The following PTPRK variants were observed in gnomAD, a reference collection of about 807,000 sequenced individuals.
PTPRK encodes the protein receptor-type tyrosine-protein phosphatase kappa.
A neutral mutation model predicts 178.0 loss-of-function variants in PTPRK; 75 were observed. That is an observed-to-expected ratio of 0.42 (90% CI 0.35 to 0.51). The LOEUF is 0.51. Among genes scored for constraint, PTPRK ranks in the 20% least tolerant of loss-of-function variants. PTPRK has a pLI of 0.02. For synonymous variants in PTPRK, 637 were observed against 620.6 expected (o/e 1.03, Z -0.39); for missense variants, 1,441 against 1,797.8 (o/e 0.80, Z 3.59).
chr6:128,036,049 G>T (rs933132233), intron 13 of PTPRK, among the ~76,000 whole-genome samples: 3 of 152,154 alleles, frequency 2.0e-5, no homozygotes, highest in Non-Finnish European at 4.4e-5. Flanking sequence ...GTTGGTAAAT[G>T]GAATGGAATG....
At chr6:128,074,936 G>C (rs1033049233) in intron 11 of PTPRK, among the ~76,000 whole-genome samples, 2 of 152,008 alleles carry the variant, frequency 1.3e-5, no homozygotes, top group Non-Finnish European at 2.9e-5. Flanking sequence ...TTTTCATAGA[G>C]AGAGCATTAC....
At chr6:128,463,544 T>C (rs556269629) in intron 1 of PTPRK, among the ~76,000 whole-genome samples, 21 of 152,224 alleles carry the variant, frequency 1.4e-4, no homozygotes, top group Middle Eastern at 3.4e-3. Context: ...CCATCAGCAT[T>C]TAGCTCTATA....
At chr6:128,315,155 A>G (rs1327405355) in intron 3 of PTPRK, among the ~76,000 whole-genome samples, 1 of 152,168 alleles carries the variant, frequency 6.6e-6, no homozygotes, top group African/African-American at 2.4e-5. Flanking sequence ...TTTAATAAAT[A>G]TAAGCCCAGA....
chr6:128,497,385 C>T (rs997199857), intron 1 of PTPRK, among the ~76,000 whole-genome samples: 2 of 152,064 alleles, frequency 1.3e-5, no homozygotes, highest in South Asian at 2.1e-4. Flanking sequence ...TGAGGCAGGG[C>T]GATCCCTTGA....
chr6:128,472,298 G>A (rs578057018), intron 1 of PTPRK, among the ~76,000 whole-genome samples: 1 of 152,094 alleles, frequency 6.6e-6, no homozygotes, highest in South Asian at 2.1e-4. Flanking sequence ...GGTTCGTTAT[G>A]TCACAGGTGG....
At chr6:128,160,931 G>A (rs1798614323) in intron 7 of PTPRK, among the ~76,000 whole-genome samples, 2 of 151,720 alleles carry the variant, frequency 1.3e-5, no homozygotes, top group Non-Finnish European at 3.0e-5. Flanking sequence ...GAATGGAACT[G>A]TAGAACCTAT....
At chr6:128,435,130 C>CAGGCAGGCAGGCAGGA (rs1845422792) in intron 1 of PTPRK, among the ~76,000 whole-genome samples, 4 of 98,646 alleles carry the variant, frequency 4.1e-5, no homozygotes, top group Non-Finnish European at 8.2e-5. Flanking sequence ...GGCAGGAAGG[C>CAGGCAGGCAGGCAGGA]AGGCAGGCAG....
At chr6:128,412,655 C>T (rs886198241) in intron 1 of PTPRK, among the ~76,000 whole-genome samples, 1 of 152,188 alleles carries the variant, frequency 6.6e-6, no homozygotes, top group Non-Finnish European at 1.5e-5. Context: ...GGAAAGATCT[C>T]TGCAGAAAGA....
At chr6:128,396,170 CA>C (rs1562434562) in intron 2 of PTPRK, among the ~76,000 whole-genome samples, 1 of 151,304 alleles carries the variant, frequency 6.6e-6, no homozygotes, top group Non-Finnish European at 1.5e-5. Flanking sequence ...CTAAAATTGT[CA>C]TATCTAAAAT....
At chr6:128,088,649 T>A (rs1786379354) in intron 8 of PTPRK, among the ~76,000 whole-genome samples, 1 of 152,206 alleles carries the variant, frequency 6.6e-6, no homozygotes, top group Non-Finnish European at 1.5e-5. Context: ...GATATTTTTA[T>A]ATGTTTTTGC....
Position 128,211,750 on chromosome 6 carries a change from T to G in PTPRK, c.868+7172A>C, listed in dbSNP as rs115106610. ...TAACTGCAAGACTAAACACAAAAAC[T>G]CACCTGTAAGTCATATAGTGGTAGA... On this transcript the variant is annotated intron_variant, in intron 6 of 29. Transcript: ENST00000368226. Among the ~76,000 whole-genome samples the G allele has an allele frequency of 2.7e-3, 417 of 152,212 alleles. 1 individual carries two copies. Among genetic ancestry groups the G allele is most frequent in the African/African-American group, 9.0e-3 (372 of 41,552 alleles).
intron 1 of PTPRK, among the ~76,000 whole-genome samples, chr6:128,425,319 C>T (rs966121879): frequency 3.3e-5 from 5 of 151,904 alleles, no homozygotes; most frequent in Non-Finnish European, 5.9e-5. Context: ...CCTGGTGATC[C>T]GCCTGCCTCA....
chr6:128,488,266 T>C (rs1224624424), intron 1 of PTPRK, among the ~76,000 whole-genome samples: 1 of 152,192 alleles, frequency 6.6e-6, no homozygotes, highest in Non-Finnish European at 1.5e-5. Context: ...TTAATTCCAC[T>C]TTCTTCTGCC....
At chr6:128,358,121 C>T (rs1024188400) in intron 2 of PTPRK, among the ~76,000 whole-genome samples, 1 of 152,164 alleles carries the variant, frequency 6.6e-6, no homozygotes, top group Non-Finnish European at 1.5e-5. Context: ...AATTGGCTAC[C>T]TCCTTCATAA....
intron 2 of PTPRK, among the ~76,000 whole-genome samples, chr6:128,392,703 CTT>C (rs1839764391): frequency 1.3e-5 from 2 of 151,712 alleles, no homozygotes; most frequent in Admixed American, 1.3e-4. Context: ...ATACAATAGA[CTT>C]TTGAGGGACA....
intron 7 of PTPRK, among the ~76,000 whole-genome samples, chr6:128,122,373 A>G (rs1792621220): frequency 6.6e-6 from 1 of 152,156 alleles, no homozygotes; most frequent in African/African-American, 2.4e-5. Flanking sequence ...AGATAGCTGG[A>G]TAACGGAGGT....
At chr6:128,427,767 A>C (rs1390183207) in intron 1 of PTPRK, among the ~76,000 whole-genome samples, 1 of 152,124 alleles carries the variant, frequency 6.6e-6, no homozygotes, top group Admixed American at 6.6e-5. Flanking sequence ...GCCAGGATCA[A>C]CCACGACCAT....
At chr6:128,456,605 C>A (rs1456210820) in intron 1 of PTPRK, among the ~76,000 whole-genome samples, 1 of 152,018 alleles carries the variant, frequency 6.6e-6, no homozygotes, top group African/African-American at 2.4e-5. Context: ...TTACCATATT[C>A]TAAACAAAAG....
chr6:128,057,845 TC>T, intron 13 of PTPRK, among the ~76,000 whole-genome samples: 1 of 152,322 alleles, frequency 6.6e-6, no homozygotes, highest in South Asian at 2.1e-4. Flanking sequence ...AATATTTAAA[TC>T]ATAATACATC....
Sources: allele counts gnomAD v4.1 joint callset (sites outside exome capture counted in the v4.1 genomes callset), GRCh38; gene constraint gnomAD v4.1.1; transcripts MANE v1.5; gene names NCBI Gene and HGNC (gene_info 2026-07-23, HGNC 2026-07-21).